Variants in IL1RAPL1 observed in about 807,000 individuals in gnomAD.
The protein encoded by IL1RAPL1 is interleukin 1 receptor accessory protein like 1.
Under a neutral mutation model 48.4 loss-of-function variants are expected in IL1RAPL1, and 3 were observed. That is an observed-to-expected ratio of 0.06 (90% CI 0.03 to 0.16). The LOEUF is 0.16. Among genes scored for constraint, IL1RAPL1 ranks in the 10% least tolerant of loss-of-function variants. The pLI is 1.00. For missense variants in IL1RAPL1, 349 were observed against 530.6 expected (o/e 0.66, Z 3.36); for synonymous variants, 185 against 187.7 (o/e 0.99, Z 0.12).
chrX:29,168,887 A>G lies in IL1RAPL1; in HGVS notation c.83-114051A>G, dbSNP rs946583565. 7.4e-5 allele frequency among the ~76,000 whole-genome samples: 7 copies of G among 94,309 alleles called. 1 individual carries two copies. Among genetic ancestry groups the G allele is most frequent in the African/African-American group, 2.7e-4 (7 of 26,118 alleles). 81.9% of individuals were successfully genotyped at this position (94,309 alleles called of 115,157 possible). The stretch of plus-strand genomic sequence containing the variant: ...TATTCATATGTACAATTGTATATAT[A>G]TATTCATATGTACAATTGTATATAT... On this transcript the variant is annotated intron_variant, in intron 2 of 10. Transcript: ENST00000378993.
rs750380377 is a variant in IL1RAPL1 at position 29,545,682 on chromosome X, A to G, written c.704-122748A>G. On this transcript the variant is annotated intron_variant, in intron 5 of 10. Transcript: ENST00000378993. ...TAAATGTTCACTTTATTCATTGCTG[A>G]GAGCAGTATTCCATTGTATGTACAT... 7.1e-5 allele frequency among the ~76,000 whole-genome samples: 8 copies of G among 112,391 alleles called. No individual in the cohort carries two copies. The East Asian group carries it at 2.2e-3, about 31-fold the overall frequency.
At chrX:29,753,708 G>T (rs770926328) in intron 6 of IL1RAPL1, among the ~76,000 whole-genome samples, 2 of 111,628 alleles carry the variant, frequency 1.8e-5, no homozygotes, top group South Asian at 7.4e-4. Flanking sequence ...TCCAATGATT[G>T]GTACCAGAAC....
chrX:29,521,047 G>T (rs940895376), intron 5 of IL1RAPL1, among the ~76,000 whole-genome samples: 3 of 111,549 alleles, frequency 2.7e-5, no homozygotes, highest in Non-Finnish European at 5.6e-5. Context: ...AATAGGAAAA[G>T]ATATGAATAT....
intron 5 of IL1RAPL1, among the ~76,000 whole-genome samples, chrX:29,484,275 T>C (rs1289703334): frequency 9.0e-6 from 1 of 111,627 alleles, no homozygotes; most frequent in East Asian, 2.8e-4. Context: ...CATCTTGCTA[T>C]GTGATAATAT....
intron 5 of IL1RAPL1, among the ~76,000 whole-genome samples, chrX:29,408,117 C>T (rs1168769387): frequency 9.0e-6 from 1 of 111,140 alleles, no homozygotes; most frequent in Admixed American, 9.6e-5. Context: ...AGAGGTGGTC[C>T]ATAAGCAATC....
chrX:28,792,079 A>G (rs1189886932), intron 2 of IL1RAPL1, among the ~76,000 whole-genome samples: 1 of 112,084 alleles, frequency 8.9e-6, no homozygotes, highest in Non-Finnish European at 1.9e-5. Flanking sequence ...AGGACTTCTT[A>G]TCTTTCTTCT....
At chrX:29,188,345 A>C (rs1452741657) in intron 2 of IL1RAPL1, among the ~76,000 whole-genome samples, 2 of 111,572 alleles carry the variant, frequency 1.8e-5, no homozygotes, top group African/African-American at 6.5e-5. Flanking sequence ...GCACATTAAA[A>C]ATTTTGAATC....
chrX:29,054,425 G>A (rs924519224), intron 2 of IL1RAPL1, among the ~76,000 whole-genome samples: 1 of 110,785 alleles, frequency 9.0e-6, no homozygotes, highest in Non-Finnish European at 1.9e-5. Context: ...TCCTTATTAC[G>A]CTTTGTCTGC....
At chrX:29,828,177 A>C (rs185969785) in intron 6 of IL1RAPL1, among the ~76,000 whole-genome samples, 2 of 112,052 alleles carry the variant, frequency 1.8e-5, no homozygotes, top group East Asian at 5.6e-4. Context: ...GGAGAGGATA[A>C]GGTGAGACCA....
intron 5 of IL1RAPL1, among the ~76,000 whole-genome samples, chrX:29,526,799 A>G (rs772749834): frequency 1.8e-5 from 2 of 112,399 alleles, no homozygotes; most frequent in African/African-American, 6.4e-5. Flanking sequence ...TTGTTCTTCA[A>G]TAGGACATCA....
At chrX:28,983,256 G>A (rs1200379710) in intron 2 of IL1RAPL1, among the ~76,000 whole-genome samples, 1 of 111,402 alleles carries the variant, frequency 9.0e-6, no homozygotes, top group African/African-American at 3.3e-5. Flanking sequence ...ACTTGTTCAT[G>A]TAGGAAATTT....
intron 1 of IL1RAPL1, among the ~76,000 whole-genome samples, chrX:28,786,027 A>G (rs1038878196): frequency 8.9e-6 from 1 of 111,970 alleles, no homozygotes; most frequent in Non-Finnish European, 1.9e-5. Context: ...TAAAAGTTGC[A>G]TAAAACTCAC....
At chrX:29,123,992 T>G (rs1928851430) in intron 2 of IL1RAPL1, among the ~76,000 whole-genome samples, 1 of 111,834 alleles carries the variant, frequency 8.9e-6, no homozygotes, top group South Asian at 3.7e-4. Context: ...ATCTTAAAAT[T>G]ATACATGGGG....
intron 2 of IL1RAPL1, among the ~76,000 whole-genome samples, chrX:29,106,685 G>A (rs1462185849): frequency 2.7e-5 from 3 of 111,428 alleles, no homozygotes; most frequent in Non-Finnish European, 5.7e-5. Context: ...GTAGCAGAGT[G>A]GAAATTTGAG....
chrX:28,715,869 A>G (rs1935498226), intron 1 of IL1RAPL1, among the ~76,000 whole-genome samples: 2 of 111,705 alleles, frequency 1.8e-5, no homozygotes, highest in Non-Finnish European at 3.8e-5. Context: ...CCCTGCAGAG[A>G]CACAATAAAA....
At chrX:28,722,763 T>A (rs1045302967) in intron 1 of IL1RAPL1, among the ~76,000 whole-genome samples, 37 of 111,535 alleles carry the variant, frequency 3.3e-4, no homozygotes, top group Non-Finnish European at 6.0e-4. Flanking sequence ...TTGAGATACG[T>A]CCCATCAATA....
chrX:28,675,900 G>A (rs1273471130), intron 1 of IL1RAPL1, among the ~76,000 whole-genome samples: 1 of 112,139 alleles, frequency 8.9e-6, no homozygotes, highest in Non-Finnish European at 1.9e-5. Context: ...TAACTGGGCA[G>A]CTCCAAGTCC....
intron 2 of IL1RAPL1, among the ~76,000 whole-genome samples, chrX:28,956,735 T>C (rs1321574014): frequency 9.2e-6 from 1 of 108,912 alleles, no homozygotes; most frequent in Non-Finnish European, 1.9e-5. Context: ...TTTTTGGTTG[T>C]GTCTCTGCCT....
At chrX:29,554,237 A>G (rs1364138426) in intron 5 of IL1RAPL1, among the ~76,000 whole-genome samples, 1 of 110,953 alleles carries the variant, frequency 9.0e-6, no homozygotes, top group African/African-American at 3.3e-5. Context: ...AGAAAAGACA[A>G]TGTAAGTAAG....
Sources: gnomAD v4.1 joint callset for allele counts (sites outside exome capture counted in the v4.1 genomes callset) on GRCh38, gnomAD v4.1.1 for gene constraint, MANE v1.5 for transcripts, NCBI Gene and HGNC (gene_info 2026-07-23, HGNC 2026-07-21) for gene names.